The following MLLT10 variants were observed in gnomAD, a reference collection of about 807,000 sequenced individuals.
MLLT10 encodes MLLT10 histone lysine methyltransferase DOT1L cofactor, also known as protein AF-10.
Under a neutral mutation model 129.1 loss-of-function variants are expected in MLLT10, and 30 were observed. The observed-to-expected ratio is 0.23, with a 90% CI of 0.17 to 0.32. The LOEUF is 0.32. MLLT10 is among the 10% of genes least tolerant of loss of function. The pLI, the probability that MLLT10 is intolerant of heterozygous loss-of-function variation, is 1.00. For missense variants in MLLT10, 1,119 were observed against 1,268.3 expected (o/e 0.88, Z 1.79); for synonymous variants, 490 against 446.4 (o/e 1.10, Z -1.23).
At chr10:21,717,533 CTCCTCCTCCCTTCTTCTTT>C (rs2056703826) in intron 14 of MLLT10, among the ~76,000 whole-genome samples, 1 of 123,274 alleles carries the variant, frequency 8.1e-6, no homozygotes, top group African/African-American at 3.2e-5. Flanking sequence ...CCTCCTCCTC[CTCCTCCTCCCTTCTTCTTT>C]CTTCTTCTTT....
intron 3 of MLLT10, among the ~76,000 whole-genome samples, chr10:21,545,012 G>A (rs1240613188): frequency 6.6e-6 from 1 of 152,190 alleles, no homozygotes; most frequent in African/African-American, 2.4e-5. Flanking sequence ...GGGTGTGGTG[G>A]CACATGCCTG....
At chr10:21,726,698 T>A (rs2131559085) in intron 15 of MLLT10, among the ~76,000 whole-genome samples, 1 of 147,250 alleles carries the variant, frequency 6.8e-6, no homozygotes, top group East Asian at 2.0e-4. Flanking sequence ...TTTTTTTTTT[T>A]TTTTTTTTAT....
At chr10:21,669,130 T>C (rs1308375114) in intron 9 of MLLT10, 6 of 1,226,800 alleles carry the variant, frequency 4.9e-6, no homozygotes, top group Non-Finnish European at 6.3e-6. Context: ...AAACTTACTT[T>C]GAAACGTTTG....
chr10:21,582,714 A>G (rs541444533), intron 3 of MLLT10, among the ~76,000 whole-genome samples: 65 of 152,282 alleles, frequency 4.3e-4, no homozygotes, highest in African/African-American at 1.3e-3. Flanking sequence ...GAAGGGCACA[A>G]TACAGTTATG....
At position 21,599,203 on chromosome 10, in the gene MLLT10, A is replaced by G. The variant is rs2043287436; in HGVS notation, c.405+3763A>G. On this transcript the variant is annotated intron_variant, in intron 5 of 22. Coordinates refer to ENST00000307729, the MANE Select transcript of MLLT10 (RefSeq NM_001195626.3). ...AAAAAAAAAAAAAAATTAGCTGGGC[A>G]TGGTAGTGGACGCCTGTAATCCCAG... Among the ~76,000 whole-genome samples, 3 of 149,292 alleles carry G rather than the reference A, an allele frequency of 2.0e-5. No individual in the cohort carries two copies. In the South Asian group the frequency reaches 6.4e-4, roughly 32 times the overall value.
At chr10:21,572,816 G>C (rs1338143023) in intron 3 of MLLT10, among the ~76,000 whole-genome samples, 1 of 151,906 alleles carries the variant, frequency 6.6e-6, no homozygotes, top group Non-Finnish European at 1.5e-5. Context: ...TTTCACCATT[G>C]TTGGCCAGGC....
intron 3 of MLLT10, among the ~76,000 whole-genome samples, chr10:21,563,946 G>A (rs967448825): frequency 7.2e-5 from 11 of 152,058 alleles, no homozygotes; most frequent in Admixed American, 6.6e-4. Context: ...CCGAGTAGCT[G>A]GGACTACAGG....
At chr10:21,713,073 C>T (rs1212694899) in intron 13 of MLLT10, among the ~76,000 whole-genome samples, 2 of 152,136 alleles carry the variant, frequency 1.3e-5, no homozygotes, top group South Asian at 2.1e-4. Flanking sequence ...CCATGATTTT[C>T]ACCTCCTGTG....
chr10:21,627,161 T>G (rs1589306797), intron 8 of MLLT10, among the ~76,000 whole-genome samples: 1 of 152,198 alleles, frequency 6.6e-6, no homozygotes, highest in African/African-American at 2.4e-5. Flanking sequence ...ACCATATTAA[T>G]GTTACCATGT....
chr10:21,544,739 A>G (rs766508027), intron 3 of MLLT10, among the ~76,000 whole-genome samples: 1 of 152,232 alleles, frequency 6.6e-6, no homozygotes, highest in Non-Finnish European at 1.5e-5. Context: ...GTGCTCACTC[A>G]TTAATGGTGA....
chr10:21,735,776 G>A (rs559684207), intron 21 of MLLT10, among the ~76,000 whole-genome samples: 28 of 152,272 alleles, frequency 1.8e-4, no homozygotes, highest in African/African-American at 6.5e-4. Context: ...ACTTGTGTTC[G>A]GAAGAGAAGT....
chr10:21,716,613 G>T (rs1170117228), intron 14 of MLLT10, among the ~76,000 whole-genome samples: 1 of 151,504 alleles, frequency 6.6e-6, no homozygotes, highest in African/African-American at 2.4e-5. Flanking sequence ...AGAATTGCTT[G>T]AACATGGGAA....
chr10:21,702,200 C>G (rs61851871), intron 13 of MLLT10, among the ~76,000 whole-genome samples: 1,845 of 152,330 alleles, frequency 0.012, 17 homozygotes, highest in Non-Finnish European at 0.019. Context: ...GCTGGGATTA[C>G]AGGCGTGAGC....
chr10:21,658,380 G>A (rs1306068437), intron 9 of MLLT10, among the ~76,000 whole-genome samples: 17 of 152,058 alleles, frequency 1.1e-4, no homozygotes, highest in Non-Finnish European at 1.5e-5. Context: ...TGCTTTTTCT[G>A]TCTGGCATCT....
intron 18 of MLLT10, among the ~76,000 whole-genome samples, 178 bp from the exon 19 acceptor site, chr10:21,733,326 G>A (rs1022106592): frequency 5.3e-5 from 8 of 152,062 alleles, no homozygotes; most frequent in Non-Finnish European, 1.0e-4. Flanking sequence ...GATTTAAAGC[G>A]ATGGTATTCA....
At chr10:21,671,697 A>C (rs1209160244) in intron 10 of MLLT10, among the ~76,000 whole-genome samples, 1 of 152,174 alleles carries the variant, frequency 6.6e-6, no homozygotes, top group African/African-American at 2.4e-5. Context: ...AGGTGGGAGG[A>C]TTGCTTGAGC....
At chr10:21,636,866 G>A (rs1307850038) in intron 8 of MLLT10, among the ~76,000 whole-genome samples, 1 of 152,092 alleles carries the variant, frequency 6.6e-6, no homozygotes, top group African/African-American at 2.4e-5. Context: ...ACTATAATAT[G>A]GTAGTTGTGT....
chr10:21,551,819 G>C (rs1274260845), intron 3 of MLLT10: 1 of 410,690 alleles, frequency 2.4e-6, no homozygotes, highest in Non-Finnish European at 4.7e-6. Flanking sequence ...TTTTTAGGCA[G>C]AGTCTCGCTC....
intron 13 of MLLT10, among the ~76,000 whole-genome samples, chr10:21,687,008 C>T (rs958258196): frequency 1.3e-5 from 2 of 151,910 alleles, no homozygotes; most frequent in Non-Finnish European, 2.9e-5. Flanking sequence ...AATAAAGTAC[C>T]AAAGAGCTTA....
Sources: gnomAD v4.1 joint callset for allele counts (sites outside exome capture counted in the v4.1 genomes callset) on GRCh38, gnomAD v4.1.1 for gene constraint, MANE v1.5 for transcripts, NCBI Gene and HGNC (gene_info 2026-07-23, HGNC 2026-07-21) for gene names.